The following GNG12 variants were observed in gnomAD, a reference collection of about 807,000 sequenced individuals.
The protein encoded by GNG12 is G protein subunit gamma 12.
For missense variants in GNG12, 69 were observed against 83.8 expected (o/e 0.82, Z 0.69); for synonymous variants, 28 against 29.7 (o/e 0.94, Z 0.19).
rs3820083 is a variant in GNG12 at position 67,725,322 on chromosome 1, C to T, written c.-26-17610G>A. ...CCTCATCTCACCTTCTCCCATAACACGCTAGCAAGGAAACATGCCCTCACC... is the reference window on the plus strand; with the variant it reads ...CCTCATCTCACCTTCTCCCATAACATGCTAGCAAGGAAACATGCCCTCACC... On this transcript the variant is annotated intron_variant, in intron 2 of 3. Coordinates refer to ENST00000370982, the MANE Select transcript of GNG12 (RefSeq NM_018841.6). Among the ~76,000 whole-genome samples, 281 of 152,264 alleles carry T rather than the reference C, an allele frequency of 1.8e-3. 2 individuals carry two copies. Among genetic ancestry groups the T allele is most frequent in the Admixed American group, 0.014 (209 of 15,298 alleles).
intron 1 of GNG12, among the ~76,000 whole-genome samples, chr1:67,787,070 T>TGTGTGTGTGTGTG (rs1491226955): frequency 4.3e-5 from 6 of 139,562 alleles, no homozygotes; most frequent in African/African-American, 1.6e-4. Context: ...TGTGTGTGTG[T>TGTGTGTGTGTGTG]ATAGTCCCCC....
At chr1:67,710,716 G>A (rs1310055180) in intron 2 of GNG12, among the ~76,000 whole-genome samples, 1 of 152,100 alleles carries the variant, frequency 6.6e-6, no homozygotes, top group Non-Finnish European at 1.5e-5. Context: ...TGCCAGCTCA[G>A]GCTTCTTGCA....
chr1:67,775,641 A>G (rs1646700631), intron 2 of GNG12, among the ~76,000 whole-genome samples: 1 of 152,244 alleles, frequency 6.6e-6, no homozygotes, highest in African/African-American at 2.4e-5. Flanking sequence ...CAAGGCAGGC[A>G]TATATCGCCT....
chr1:67,705,993 T>C (rs1646245204), intron 3 of GNG12, among the ~76,000 whole-genome samples: 1 of 152,218 alleles, frequency 6.6e-6, no homozygotes, highest in South Asian at 2.1e-4. Context: ...GGTATTCTTA[T>C]TAGATAATCC....
intron 2 of GNG12, among the ~76,000 whole-genome samples, chr1:67,735,558 C>G (rs1231331141): frequency 1.3e-5 from 2 of 152,184 alleles, no homozygotes; most frequent in Non-Finnish European, 2.9e-5. Flanking sequence ...ATGGAACTAT[C>G]TGAGGATGAA....
At chr1:67,768,953 T>G (rs1646656788) in intron 2 of GNG12, among the ~76,000 whole-genome samples, 1 of 152,212 alleles carries the variant, frequency 6.6e-6, no homozygotes, top group South Asian at 2.1e-4. Context: ...TCTGAGCTTC[T>G]GTCTCTAATA....
intron 1 of GNG12, among the ~76,000 whole-genome samples, chr1:67,787,442 T>A (rs1461945704): frequency 6.6e-6 from 1 of 152,078 alleles, no homozygotes; most frequent in Non-Finnish European, 1.5e-5. Context: ...CAAAGAGTTC[T>A]CAAGTGGAGT....
At chr1:67,802,358 C>T (rs1269082978) in intron 1 of GNG12, among the ~76,000 whole-genome samples, 1 of 152,138 alleles carries the variant, frequency 6.6e-6, no homozygotes, top group Admixed American at 6.5e-5. Flanking sequence ...AAAGGACGCA[C>T]CTACTTAAAA....
intron 1 of GNG12, among the ~76,000 whole-genome samples, chr1:67,832,662 C>CA (rs1190615710): frequency 1.3e-5 from 2 of 151,984 alleles, no homozygotes; most frequent in Non-Finnish European, 2.9e-5. Flanking sequence ...TTACCACTTG[C>CA]AAATACAGTC....
At chr1:67,786,739 T>G (rs755457147) in intron 1 of GNG12, among the ~76,000 whole-genome samples, 1 of 151,726 alleles carries the variant, frequency 6.6e-6, no homozygotes, top group Non-Finnish European at 1.5e-5. Context: ...CTGGGCAACA[T>G]AGTGAAACCC....
intron 2 of GNG12, among the ~76,000 whole-genome samples, chr1:67,749,040 C>A (rs1213988655): frequency 6.6e-6 from 1 of 152,136 alleles, no homozygotes; most frequent in East Asian, 1.9e-4. Flanking sequence ...TCCCACTCCC[C>A]TGGAGGGGAG....
At chr1:67,729,977 A>G (rs1438557634) in intron 2 of GNG12, among the ~76,000 whole-genome samples, 1 of 152,224 alleles carries the variant, frequency 6.6e-6, no homozygotes, top group African/African-American at 2.4e-5. Flanking sequence ...TTCTAGTCCT[A>G]GGTGTATTCC....
rs1360674965 is a variant in GNG12, at chr1:67,710,862, C to T, written c.-26-3150G>A. ...CCCAGGCTCGACAAAGTCCATGCAA[C>T]ACATTTTTAATTGAGTACTACTGCT... On this transcript the variant is annotated intron_variant, in intron 2 of 3. Transcript: ENST00000370982. Among the ~76,000 whole-genome samples the T allele has an allele frequency of 2.0e-5, 3 of 152,276 alleles. No homozygotes were observed. The East Asian group carries it at 5.8e-4, about 29-fold the overall frequency.
At position 67,704,246 on chromosome 1, in the gene GNG12, GATGGT is replaced by G. The variant is rs976837551; in HGVS notation, c.*1200_*1204del. The G allele has an allele frequency of 7.9e-5, 12 of 152,362 alleles. No homozygotes were observed. The highest frequency in any genetic ancestry group is 2.9e-4 in the African/African-American group (12 of 41,596). The allele number at this position is 152,362 out of a possible 1,614,324, so 9.4% of individuals were successfully genotyped here. On this transcript the variant is annotated 3_prime_UTR_variant, in exon 4 of 4. Transcript: ENST00000370982. ...TCTTGGGTAGCCTATGTGCCTCTTG[GATGGT>G]ATGTGAACAAGGTAGGGATGAAACT... is the stretch of plus-strand genomic sequence containing the variant.
intron 2 of GNG12, among the ~76,000 whole-genome samples, chr1:67,717,445 G>T (rs779969761): frequency 6.6e-6 from 1 of 151,740 alleles, no homozygotes; most frequent in African/African-American, 2.4e-5. Flanking sequence ...GAACTCAGGA[G>T]GCAGAGGTTG....
chr1:67,771,540 C>T lies in GNG12; in HGVS notation c.-27+5918G>A, dbSNP rs569720582. Among the ~76,000 whole-genome samples, 402 of 152,338 alleles carry T rather than the reference C, an allele frequency of 2.6e-3. 3 individuals are homozygous for T. The highest frequency in any genetic ancestry group is 1.6e-3 in the Non-Finnish European group (109 of 68,040). On this transcript the variant is annotated intron_variant, in intron 2 of 3. Coordinates refer to ENST00000370982, the MANE Select transcript of GNG12 (RefSeq NM_018841.6). ...GGGACTTGGGTCCTATCCATCCTTC[C>T]TCCTCGCGAGTCCCTGAGCTAGAAA...
At chr1:67,797,963 C>T (rs1646842098) in intron 1 of GNG12, among the ~76,000 whole-genome samples, 1 of 152,150 alleles carries the variant, frequency 6.6e-6, no homozygotes, top group African/African-American at 2.4e-5. Context: ...GGCTCAAATG[C>T]CCTTTCCTCA....
intron 1 of GNG12, among the ~76,000 whole-genome samples, chr1:67,792,984 C>T (rs181013712): frequency 6.6e-6 from 1 of 152,272 alleles, no homozygotes; most frequent in East Asian, 1.9e-4. Flanking sequence ...GTCGTTCTCC[C>T]AGCCTCTGAC....
intron 2 of GNG12, among the ~76,000 whole-genome samples, chr1:67,710,969 T>A (rs1211795473): frequency 6.6e-6 from 1 of 152,140 alleles, no homozygotes; most frequent in Non-Finnish European, 1.5e-5. Flanking sequence ...AAACAAGCCA[T>A]TAGACAACCC....
Sources: gnomAD v4.1 joint callset for allele counts (sites outside exome capture counted in the v4.1 genomes callset) on GRCh38, gnomAD v4.1.1 for gene constraint, MANE v1.5 for transcripts, NCBI Gene and HGNC (gene_info 2026-07-23, HGNC 2026-07-21) for gene names.